The following PRKCA variants were observed in gnomAD, a reference collection of about 807,000 sequenced individuals.
PRKCA encodes the protein protein kinase C alpha type.
Under a neutral mutation model 87.0 loss-of-function variants are expected in PRKCA, and 27 were observed. That is an observed-to-expected ratio of 0.31 (90% CI 0.23 to 0.43). The LOEUF (loss-of-function observed/expected upper bound fraction) is 0.43. Among genes scored for constraint, PRKCA ranks in the 20% least tolerant of loss-of-function variants. The probability of loss-of-function intolerance (pLI) is 1.00; values close to 1 mark genes in which losing one functional copy is unlikely to be tolerated. For synonymous variants in PRKCA, 329 were observed against 311.1 expected, an observed-to-expected ratio of 1.06 and a Z score of -0.61; for missense variants, 518 against 852.3, an observed-to-expected ratio of 0.61 and a Z score of 4.88.
chr17:66,802,325 A>G (rs1016714993), intron 16 of PRKCA, among the ~76,000 whole-genome samples: 4 of 152,212 alleles, frequency 2.6e-5, no homozygotes, highest in Admixed American at 2.6e-4. Context: ...ACTTAGGAGC[A>G]GGTTTTATTT....
chr17:66,466,281 G>T (rs1251300816), intron 2 of PRKCA, among the ~76,000 whole-genome samples: 2 of 152,172 alleles, frequency 1.3e-5, no homozygotes, highest in African/African-American at 4.8e-5. Flanking sequence ...TGTGTGGGTG[G>T]AGGAAGCATC....
At chr17:66,638,109 A>AATAT (rs57070883) in intron 3 of PRKCA, among the ~76,000 whole-genome samples, 4 of 149,670 alleles carry the variant, frequency 2.7e-5, no homozygotes, top group Non-Finnish European at 1.5e-5. Flanking sequence ...TTGTTTCTAA[A>AATAT]ATATATATAT....
intron 3 of PRKCA, among the ~76,000 whole-genome samples, chr17:66,635,116 G>A (rs1408353601): frequency 6.6e-6 from 1 of 152,190 alleles, no homozygotes; most frequent in Non-Finnish European, 1.5e-5. Flanking sequence ...GGCAGGTGGA[G>A]GCAGCAGCCG....
chr17:66,524,606 ATTC>A (rs1967280461), intron 3 of PRKCA, among the ~76,000 whole-genome samples: 2 of 152,164 alleles, frequency 1.3e-5, no homozygotes, highest in African/African-American at 2.4e-5. Flanking sequence ...GGAGATGTCT[ATTC>A]TTCTCATTTC....
At chr17:66,487,466 G>A (rs913616156) in intron 2 of PRKCA, among the ~76,000 whole-genome samples, 4 of 148,878 alleles carry the variant, frequency 2.7e-5, no homozygotes, top group African/African-American at 9.7e-5. Context: ...ATTGTGAGTG[G>A]TGCTGCAGTG....
intron 5 of PRKCA, among the ~76,000 whole-genome samples, chr17:66,684,078 A>C (rs1381930176): frequency 6.6e-6 from 1 of 152,170 alleles, no homozygotes; most frequent in African/African-American, 2.4e-5. Context: ...GAAACCATAC[A>C]GTTGAAACCC....
chr17:66,494,983 T>G (rs1396253857), intron 2 of PRKCA, among the ~76,000 whole-genome samples: 1 of 151,546 alleles, frequency 6.6e-6, no homozygotes, highest in Non-Finnish European at 1.5e-5. Flanking sequence ...TTGCCTGTAT[T>G]CCCAGCTACT....
In PRKCA at chr17:66,509,676, C is replaced by T. The variant is rs116868765; in HGVS notation, c.288+13393C>T. Among the ~76,000 whole-genome samples the T allele has an allele frequency of 6.7e-4, 102 of 152,330 alleles. 1 individual carries two copies. The highest frequency in any genetic ancestry group is 1.3e-3 in the Non-Finnish European group (86 of 68,032). On this transcript the variant is annotated intron_variant, in intron 3 of 16. Transcript: ENST00000413366. ...CCCAGAATAACGTATGACCAAATGT[C>T]TGGGCACCTGGGGCCCAGTCAAGTC...
At chr17:66,623,275 T>C (rs185869722) in intron 3 of PRKCA, among the ~76,000 whole-genome samples, 5 of 151,650 alleles carry the variant, frequency 3.3e-5, no homozygotes, top group Admixed American at 2.6e-4. Context: ...CTCAGCCAGA[T>C]TTTTTTTTGC....
chr17:66,503,336 GCT>G (rs1598725968), intron 3 of PRKCA, among the ~76,000 whole-genome samples: 1 of 152,248 alleles, frequency 6.6e-6, no homozygotes, highest in East Asian at 1.9e-4. Context: ...GCAGGTTATT[GCT>G]CTATCTCACC....
At chr17:66,783,042 AAC>A (rs1348111911) in intron 14 of PRKCA, among the ~76,000 whole-genome samples, 2 of 152,204 alleles carry the variant, frequency 1.3e-5, no homozygotes, top group Admixed American at 1.3e-4. Context: ...CTTATTGGGT[AAC>A]ATAGACTCAC....
At chr17:66,336,850 G>A (rs376880605) in intron 2 of PRKCA, among the ~76,000 whole-genome samples, 15 of 151,216 alleles carry the variant, frequency 9.9e-5, no homozygotes, top group South Asian at 2.1e-4. Context: ...GTGCAGTGGC[G>A]TGATCTCGGC....
intron 2 of PRKCA, among the ~76,000 whole-genome samples, chr17:66,424,848 C>A (rs956262752): frequency 8.6e-5 from 13 of 151,760 alleles, no homozygotes; most frequent in African/African-American, 3.1e-4. Flanking sequence ...CACCCGGGCT[C>A]AAGCGATTCT....
intron 8 of PRKCA, among the ~76,000 whole-genome samples, chr17:66,723,520 C>T (rs1030826605): frequency 4.0e-5 from 6 of 151,642 alleles, no homozygotes; most frequent in Admixed American, 1.3e-4. Context: ...CCCAGCTACT[C>T]GGGAGGCTGA....
At chr17:66,414,568 T>G (rs1463991030) in intron 2 of PRKCA, among the ~76,000 whole-genome samples, 1 of 152,246 alleles carries the variant, frequency 6.6e-6, no homozygotes, top group Non-Finnish European at 1.5e-5. Flanking sequence ...ATATTTCTTA[T>G]TACACAGCAT....
At chr17:66,359,810 G>A (rs1316157643) in intron 2 of PRKCA, among the ~76,000 whole-genome samples, 3 of 152,182 alleles carry the variant, frequency 2.0e-5, no homozygotes, top group Admixed American at 2.0e-4. Flanking sequence ...ATTTATAGTA[G>A]GCATAAACTT....
rs118166687 is a variant in PRKCA at position 66,779,295 on chromosome 17, T to A, written c.1605+5228T>A. 1.8e-3 allele frequency among the ~76,000 whole-genome samples: 278 copies of A among 152,304 alleles called. 4 individuals carry two copies. The East Asian group carries it at 0.027, about 15-fold the overall frequency. Reference sequence around the variant, plus strand: ...TATTGTCAGCAGCCAAGGGGGCAGTTAAGAATAAACAGCCTCAGTCTTTAT... The same window carrying A: ...TATTGTCAGCAGCCAAGGGGGCAGTAAAGAATAAACAGCCTCAGTCTTTAT... On this transcript the variant is annotated intron_variant, in intron 14 of 16. Transcript: ENST00000413366.
At chr17:66,659,690 A>G (rs1296345305) in intron 5 of PRKCA, among the ~76,000 whole-genome samples, 3 of 125,828 alleles carry the variant, frequency 2.4e-5, no homozygotes, top group African/African-American at 9.8e-5. Flanking sequence ...TTGAGGCTGC[A>G]GTGAGCCAAG....
chr17:66,386,563 C>T (rs1910071611), intron 2 of PRKCA, among the ~76,000 whole-genome samples: 5 of 152,166 alleles, frequency 3.3e-5, no homozygotes, highest in Admixed American at 3.3e-4. Context: ...ATATGATACC[C>T]AGAATAATGC....
Sources: gnomAD v4.1 joint callset for allele counts (sites outside exome capture counted in the v4.1 genomes callset) on GRCh38, gnomAD v4.1.1 for gene constraint, MANE v1.5 for transcripts, NCBI Gene and HGNC (gene_info 2026-07-23, HGNC 2026-07-21) for gene names.